Variants in INO80D observed in about 807,000 individuals in gnomAD.
INO80D encodes INO80 complex subunit D.
Under a neutral mutation model 87.6 loss-of-function variants are expected in INO80D, and 21 were observed. The observed-to-expected ratio is 0.24, with a 90% CI of 0.17 to 0.35. INO80D has a LOEUF of 0.35. Ranked by LOEUF, INO80D falls within the 10% of genes least tolerant of loss-of-function variation. The probability of loss-of-function intolerance (pLI) is 1.00; values close to 1 mark genes in which losing one functional copy is unlikely to be tolerated. For synonymous variants in INO80D, 440 were observed against 491.0 expected, an observed-to-expected ratio of 0.90 and a Z score of 1.37; for missense variants, 982 against 1,280.7, an observed-to-expected ratio of 0.77 and a Z score of 3.56.
At chr2:206,036,547 A>AT (rs1688901577) in intron 5 of INO80D, among the ~76,000 whole-genome samples, 1 of 152,174 alleles carries the variant, frequency 6.6e-6, no homozygotes, top group South Asian at 2.1e-4. Flanking sequence ...ACCCAAAGGC[A>AT]TAAGCAAGAT....
chr2:206,049,542 T>A (rs1575848461), intron 4 of INO80D, among the ~76,000 whole-genome samples: 1 of 152,162 alleles, frequency 6.6e-6, no homozygotes, highest in East Asian at 1.9e-4. Flanking sequence ...ATCTAAGTCA[T>A]AAAAACTAAG....
Position 206,005,386 on chromosome 2 carries a change from C to T in INO80D, c.2066G>A (p.Gly689Glu), listed in dbSNP as rs768886465. ...GVPVQELSDR[G>E]IGVFSTGTGA... ...AGTACCTGTGGAGAACACCCCTATTCCTCTATCTGACAACTCCTGGACTGG... is the reference window on the plus strand; with the variant it reads ...AGTACCTGTGGAGAACACCCCTATTTCTCTATCTGACAACTCCTGGACTGG... Residue 689 changes from glycine to glutamate, a missense_variant, in exon 11 of 11, where the codon GGA becomes GAA. Gly to Glu is a moderately conservative substitution (Grantham distance 98). Coordinates refer to ENST00000403263, the MANE Select transcript of INO80D (RefSeq NM_017759.5). The T allele has an allele frequency of 1.2e-5, 19 of 1,613,856 alleles. No homozygotes were observed. Among genetic ancestry groups the T allele is most frequent in the Admixed American group, 1.7e-5 (1 of 60,000 alleles).
rs1487418685 is a variant in INO80D, at chr2:205,994,990, T to C, written c.*9378A>G. 1.3e-5 allele frequency: 2 copies of C among 152,118 alleles called. No homozygotes were observed. The highest frequency in any genetic ancestry group is 4.8e-5 in the African/African-American group (2 of 41,442). The allele number at this position is 152,118 out of a possible 1,614,324, so 9.4% of individuals were successfully genotyped here. A position where few individuals can be genotyped will look rare whatever the true frequency, so the allele number is the denominator to read the frequency against. On this transcript the variant is annotated 3_prime_UTR_variant, in exon 11 of 11. Transcript: ENST00000403263. ...AGCTGCCTTCTTTCAAATTTGAATTTTGAACAAGGCAAAATAACAATTAGG... is the reference window on the plus strand; with the variant it reads ...AGCTGCCTTCTTTCAAATTTGAATTCTGAACAAGGCAAAATAACAATTAGG...
intron 5 of INO80D, among the ~76,000 whole-genome samples, chr2:206,041,009 G>T (rs78758275): frequency 1.9e-3 from 286 of 152,312 alleles, no homozygotes; most frequent in African/African-American, 6.7e-3. Flanking sequence ...TCTTATGCGT[G>T]AAGTGGTTTA....
intron 5 of INO80D, among the ~76,000 whole-genome samples, chr2:206,030,942 A>G (rs1688748976): frequency 6.6e-6 from 1 of 152,194 alleles, no homozygotes; most frequent in African/African-American, 2.4e-5. Flanking sequence ...GGATGGAAGG[A>G]GCAGGACTGG....
intron 4 of INO80D, among the ~76,000 whole-genome samples, chr2:206,050,496 GAAAAAAAA>G (rs3079265): frequency 6.6e-4 from 66 of 99,568 alleles, no homozygotes; most frequent in Admixed American, 1.3e-3. Flanking sequence ...CGTCTCAAAA[GAAAAAAAA>G]AAAAAAAAAA....
chr2:206,070,709 C>A (rs1382063538), intron 1 of INO80D, among the ~76,000 whole-genome samples: 1 of 150,862 alleles, frequency 6.6e-6, no homozygotes. Flanking sequence ...AGCAAGACTC[C>A]GTCTCAAAAA....
At chr2:206,027,153 C>T (rs944069387) in intron 6 of INO80D, among the ~76,000 whole-genome samples, 5 of 82,760 alleles carry the variant, frequency 6.0e-5, no homozygotes, top group Non-Finnish European at 1.4e-4. Flanking sequence ...CACGCGCGCA[C>T]GCGCACACAC....
chr2:206,010,114 C>G (rs537176335), intron 8 of INO80D, among the ~76,000 whole-genome samples: 1 of 148,732 alleles, frequency 6.7e-6, no homozygotes, highest in African/African-American at 2.4e-5. Flanking sequence ...GTTCTTTGTA[C>G]TGGCATCGTT....
intron 5 of INO80D, among the ~76,000 whole-genome samples, chr2:206,030,445 A>C (rs1284078371): frequency 6.7e-6 from 1 of 149,572 alleles, no homozygotes; most frequent in Non-Finnish European, 1.5e-5. Flanking sequence ...CCTGGGTGAC[A>C]GAGCAAGACT....
intron 1 of INO80D, among the ~76,000 whole-genome samples, chr2:206,083,841 C>T (rs147363801): frequency 9.1e-4 from 130 of 142,298 alleles, no homozygotes; most frequent in Non-Finnish European, 1.5e-3. Flanking sequence ...ATAAACACAA[C>T]ACTCTGCCCT....
chr2:206,017,799 G>C lies in INO80D; in HGVS notation c.1423C>G (p.His475Asp). Reference protein sequence around the residue: ...RHCFQHILLNHSQQLFSSCTA... With the variant: ...RHCFQHILLNDSQQLFSSCTA... Reference sequence around the variant, plus strand: ...CAACTTGAGAAGAGCTGCTGAGAGTGGTTCAAGAGGATATCTGGGTTTTTT... The same window carrying C: ...CAACTTGAGAAGAGCTGCTGAGAGTCGTTCAAGAGGATATCTGGGTTTTTT... Residue 475 changes from histidine to aspartate, a missense_variant, in exon 8 of 11, where the codon CAC becomes GAC. By Grantham distance (81) the His-to-Asp change is moderately conservative. Transcript: ENST00000403263. 4.4e-6 allele frequency: 7 copies of C among 1,608,738 alleles called. No individual in the cohort carries two copies. Among genetic ancestry groups the C allele is most frequent in the South Asian group, 1.1e-5 (1 of 89,616 alleles).
At chr2:206,081,291 G>T (rs926208393) in intron 1 of INO80D, among the ~76,000 whole-genome samples, 3 of 152,106 alleles carry the variant, frequency 2.0e-5, no homozygotes, top group Non-Finnish European at 4.4e-5. Flanking sequence ...TACACATAAA[G>T]AGAAAAAGCA....
At chr2:206,028,627 C>A (rs1392813664) in intron 5 of INO80D, among the ~76,000 whole-genome samples, 1 of 151,946 alleles carries the variant, frequency 6.6e-6, no homozygotes, top group Non-Finnish European at 1.5e-5. Flanking sequence ...GACTAGAGAC[C>A]CCTGAGGAAA....
chr2:206,080,234 C>T (rs1690237808), intron 1 of INO80D, among the ~76,000 whole-genome samples: 1 of 152,266 alleles, frequency 6.6e-6, no homozygotes, highest in South Asian at 2.1e-4. Context: ...GGTAAACATG[C>T]CCAGGACTCT....
intron 4 of INO80D, among the ~76,000 whole-genome samples, chr2:206,055,979 C>T (rs554642225): frequency 6.6e-6 from 1 of 152,238 alleles, no homozygotes; most frequent in South Asian, 2.1e-4. Context: ...ATTTTAGTGC[C>T]TGAGGGAAGA....
rs1243724691 is a variant in INO80D, at chr2:206,004,771, G to A, written c.2681C>T (p.Pro894Leu). The change falls in exon 11 of 11, where the codon CCT becomes CTT. Residue 894 changes from proline (P) to leucine (L), a missense_variant. By Grantham distance (98) the Pro-to-Leu change is moderately conservative (BLOSUM62 -3). Coordinates refer to ENST00000403263, the MANE Select transcript of INO80D (RefSeq NM_017759.5). The surrounding 1 kb of genome is among the most constrained non-coding windows in gnomAD (Gnocchi z 4.9). The stretch of plus-strand genomic sequence containing the variant: ...TGGAGAGGGGTCTCCAAGGTTGACA[G>A]GGAGATTGCCCCAGTGAGTTCTGGG... The part of the protein sequence containing the change: ...VNPRTHWGNL[P>L]VNLGDPSPFS... 6.2e-7 allele frequency: 1 copy of A among 1,614,032 alleles called. No individual in the cohort carries two copies. The highest frequency in any genetic ancestry group is 8.5e-7 in the Non-Finnish European group (1 of 1,179,882).
intron 5 of INO80D, among the ~76,000 whole-genome samples, chr2:206,044,284 A>C (rs1689134746): frequency 6.6e-6 from 1 of 152,090 alleles, no homozygotes; most frequent in Admixed American, 6.6e-5. Context: ...ACAGGAATAG[A>C]TGGGTGGGTA....
chr2:206,022,387 A>T (rs1376115308), intron 6 of INO80D, among the ~76,000 whole-genome samples: 3 of 152,094 alleles, frequency 2.0e-5, no homozygotes, highest in Admixed American at 1.3e-4. Flanking sequence ...AAATAAAAAA[A>T]AATTAATGTG....
Sources: allele counts gnomAD v4.1 joint callset (sites outside exome capture counted in the v4.1 genomes callset), GRCh38; gene constraint gnomAD v4.1.1; non-coding constraint Gnocchi (gnomAD v3.1); transcripts MANE v1.5; gene names NCBI Gene and HGNC (gene_info 2026-07-23, HGNC 2026-07-21).